PLCG2: variants seen among roughly 807,000 people sequenced by gnomAD.
PLCG2 encodes the protein phospholipase C gamma 2.
Under a neutral mutation model 175.6 loss-of-function variants are expected in PLCG2, and 69 were observed. The observed-to-expected ratio is 0.39, with a 90% CI of 0.32 to 0.48. PLCG2 has a LOEUF of 0.48. Among genes scored for constraint, PLCG2 ranks in the 20% least tolerant of loss-of-function variants. The probability of loss-of-function intolerance (pLI) is 0.91; values close to 1 mark genes in which losing one functional copy is unlikely to be tolerated. For missense variants in PLCG2, 1,798 were observed against 1,650.9 expected (o/e 1.09, Z -1.54); for synonymous variants, 827 against 624.0 (o/e 1.33, Z -4.85).
intron 22 of PLCG2, among the ~76,000 whole-genome samples, chr16:81,925,869 G>C (rs182477122): frequency 2.1e-5 from 3 of 144,224 alleles, no homozygotes; most frequent in Non-Finnish European, 4.5e-5. Flanking sequence ...CTGGGGGACA[G>C]AGTGAGACTC....
At position 81,785,943 on chromosome 16, in the gene PLCG2, C is replaced by T. The variant is rs1250660990; in HGVS notation, c.-47C>T. Reference sequence around the variant, plus strand: ...TCACTCTTTAATTCTGCCCTTTCAGCTTCCTGATTTCTCCCGATTCCTTCC... The same window carrying T: ...TCACTCTTTAATTCTGCCCTTTCAGTTTCCTGATTTCTCCCGATTCCTTCC... On this transcript the variant is annotated splice_region_variant and 5_prime_UTR_variant, in exon 2 of 33. Coordinates refer to ENST00000564138, the MANE Select transcript of PLCG2 (RefSeq NM_002661.5). 17 of 1,560,154 alleles carry T rather than the reference C, an allele frequency of 1.1e-5. No individual in the cohort carries two copies. The highest frequency in any genetic ancestry group is 1.5e-5 in the Non-Finnish European group (17 of 1,138,340).
intron 15 of PLCG2, among the ~76,000 whole-genome samples, chr16:81,907,224 C>A (rs1432821436): frequency 6.6e-6 from 1 of 151,856 alleles, no homozygotes; most frequent in Non-Finnish European, 1.5e-5. Context: ...TAACGTCATG[C>A]ATGACAATAA....
chr16:81,749,441 C>G (rs939180721), intron 1 of PLCG2, among the ~76,000 whole-genome samples: 1 of 152,114 alleles, frequency 6.6e-6, no homozygotes, highest in Non-Finnish European at 1.5e-5. Flanking sequence ...CAACCTCTGC[C>G]TCCTGGGTTC....
At chr16:81,889,088 G>A (rs781389865) in intron 9 of PLCG2, 84 bp from the exon 10 acceptor site, 8 of 794,486 alleles carry the variant, frequency 1.0e-5, no homozygotes, top group Middle Eastern at 2.4e-4. Flanking sequence ...TTCAGTCTTC[G>A]ATTGCGACTG....
intron 14 of PLCG2, among the ~76,000 whole-genome samples, chr16:81,903,040 T>C (rs2143636937): frequency 6.6e-6 from 1 of 152,338 alleles, no homozygotes; most frequent in East Asian, 1.9e-4. Context: ...AGGTGAGATT[T>C]GGGTGGGGAC....
intron 5 of PLCG2, among the ~76,000 whole-genome samples, chr16:81,868,158 C>T (rs1238563069): frequency 1.3e-5 from 2 of 152,226 alleles, no homozygotes; most frequent in Admixed American, 6.5e-5. Context: ...ACACCCCACC[C>T]TTGGCTGTTC....
intron 2 of PLCG2, among the ~76,000 whole-genome samples, chr16:81,790,639 G>T (rs1391587733): frequency 6.6e-6 from 1 of 152,214 alleles, no homozygotes; most frequent in Non-Finnish European, 1.5e-5. Flanking sequence ...CCGGCACCTG[G>T]TTTTGGAATA....
chr16:81,913,720 G>GTA (rs1909728110), intron 19 of PLCG2, among the ~76,000 whole-genome samples: 2 of 152,230 alleles, frequency 1.3e-5, no homozygotes, highest in African/African-American at 4.8e-5. Context: ...GGTGCTGGCT[G>GTA]CATGGCAGCT....
At chr16:81,844,978 G>A (rs772275533) in intron 2 of PLCG2, among the ~76,000 whole-genome samples, 3 of 152,180 alleles carry the variant, frequency 2.0e-5, no homozygotes, top group African/African-American at 2.4e-5. Flanking sequence ...TGCCAGGCTG[G>A]TGTGCAGAGT....
At chr16:81,922,621 G>A (rs1043729012) in intron 21 of PLCG2, among the ~76,000 whole-genome samples, 10 of 152,178 alleles carry the variant, frequency 6.6e-5, no homozygotes, top group Non-Finnish European at 1.5e-4. Flanking sequence ...CAAGGGCAGA[G>A]CAATGATTTG....
At chr16:81,821,379 G>A (rs1267202535) in intron 2 of PLCG2, among the ~76,000 whole-genome samples, 1 of 152,210 alleles carries the variant, frequency 6.6e-6, no homozygotes, top group East Asian at 1.9e-4. Flanking sequence ...CCAGTTTGGG[G>A]CTCTTGAATA....
intron 2 of PLCG2, among the ~76,000 whole-genome samples, chr16:81,836,402 G>T (rs1364783605): frequency 6.6e-6 from 1 of 152,130 alleles, no homozygotes; most frequent in East Asian, 1.9e-4. Context: ...AGAGCACTTT[G>T]GATCTTGGCT....
At chr16:81,808,074 G>A (rs1412018982) in intron 2 of PLCG2, among the ~76,000 whole-genome samples, 2 of 152,196 alleles carry the variant, frequency 1.3e-5, no homozygotes, top group Non-Finnish European at 2.9e-5. Context: ...CTACCTTTTG[G>A]CTATTATGAA....
chr16:81,785,059 GGA>G (rs1016326413), intron 1 of PLCG2, among the ~76,000 whole-genome samples: 21 of 152,260 alleles, frequency 1.4e-4, no homozygotes, highest in African/African-American at 4.6e-4. Flanking sequence ...GAAGAAGTGG[GGA>G]GAGCAGGATT....
Position 81,919,672 on chromosome 16 carries a change from G to A in PLCG2, c.2235+8G>A. 1 of 1,607,674 alleles carries A rather than the reference G, an allele frequency of 6.2e-7. No individual in the cohort carries two copies. The highest frequency in any genetic ancestry group is 8.5e-7 in the Non-Finnish European group (1 of 1,174,952). The stretch of plus-strand genomic sequence containing the variant: ...CTGGAGCGCTACAATATGGTAGGTG[G>A]TGGACTCCCTTGTGATTTGGTGGGA... On this transcript the variant is annotated splice_region_variant and intron_variant, in intron 20 of 32. Transcript: ENST00000564138.
intron 2 of PLCG2, among the ~76,000 whole-genome samples, chr16:81,769,819 CAAAAAAAAAAAAAA>C (rs71146043): frequency 2.6e-5 from 2 of 75,658 alleles, no homozygotes; most frequent in African/African-American, 5.8e-5. Context: ...GACTCCGTCT[CAAAAAAAAAAAAAA>C]AAAAAAAAAA....
chr16:81,940,818 T>A (rs1324408811), intron 30 of PLCG2, among the ~76,000 whole-genome samples: 3 of 152,184 alleles, frequency 2.0e-5, no homozygotes, highest in Admixed American at 6.5e-5. Context: ...CTATATAGTT[T>A]CTCTAGTTTA....
chr16:81,875,413 G>A (rs1267681874), intron 7 of PLCG2, among the ~76,000 whole-genome samples: 1 of 152,200 alleles, frequency 6.6e-6, no homozygotes, highest in African/African-American at 2.4e-5. Context: ...AAGCTGCAGA[G>A]CTAGGATTTG....
rs1445531960 is a variant in PLCG2, at chr16:81,905,449, A to G, written c.1409A>G (p.Asp470Gly). Residue 470 changes from aspartate (D) to glycine (G), a missense_variant, in exon 15 of 33, where the codon GAC becomes GGC. Transcript: ENST00000564138. Reference protein sequence around the residue: ...PRGDVDVNMEDKKDEHKQQGE... With the variant: ...PRGDVDVNMEGKKDEHKQQGE... ...GGCGATGTGGATGTCAACATGGAGGACAAGAAGGACGAACACAAGCAACAG... is the reference window on the plus strand; with the variant it reads ...GGCGATGTGGATGTCAACATGGAGGGCAAGAAGGACGAACACAAGCAACAG... 1 of 1,614,194 alleles carries G rather than the reference A, an allele frequency of 6.2e-7. No individual in the cohort carries two copies. Among genetic ancestry groups the G allele is most frequent in the South Asian group, 1.1e-5 (1 of 91,086 alleles).
Sources: allele counts gnomAD v4.1 joint callset (sites outside exome capture counted in the v4.1 genomes callset), GRCh38; gene constraint gnomAD v4.1.1; transcripts MANE v1.5; gene names NCBI Gene and HGNC (gene_info 2026-07-23, HGNC 2026-07-21).